The following SLC25A48 variants were observed in gnomAD, a reference collection of about 807,000 sequenced individuals.
SLC25A48 encodes the protein solute carrier family 25 member 48.
Under a neutral mutation model 32.2 loss-of-function variants are expected in SLC25A48, and 29 were observed. The ratio of observed to expected loss-of-function variants is 0.90; its 90% CI spans 0.67 to 1.23. The LOEUF is 1.23. Ranked by LOEUF, SLC25A48 falls within the 50% of genes most tolerant of loss-of-function variation. The pLI is 0.00. For synonymous variants in SLC25A48, 164 were observed against 172.3 expected, an observed-to-expected ratio of 0.95 and a Z score of 0.38; for missense variants, 399 against 422.7, an observed-to-expected ratio of 0.94 and a Z score of 0.49.
intron 3 of SLC25A48, among the ~76,000 whole-genome samples, chr5:135,798,628 C>T (rs1209113827): frequency 6.6e-6 from 1 of 151,544 alleles, no homozygotes; most frequent in African/African-American, 2.4e-5. Context: ...ATTTTGCACC[C>T]CCTGCTGTGA....
chr5:135,834,304 C>G (rs556940761), upstream of SLC25A48, among the ~76,000 whole-genome samples: 1 of 152,316 alleles, frequency 6.6e-6, no homozygotes, highest in African/African-American at 2.4e-5. Context: ...GGTGCCTGCT[C>G]TAGGCACGGG....
chr5:135,625,820 G>A (rs1425449429), intron 1 of SLC25A48, among the ~76,000 whole-genome samples: 1 of 152,004 alleles, frequency 6.6e-6, no homozygotes, highest in Non-Finnish European at 1.5e-5. Context: ...ACAACAACCA[G>A]GAAGGAGACC....
At chr5:135,745,666 A>G (rs1755621173) in intron 3 of SLC25A48, among the ~76,000 whole-genome samples, 1 of 152,184 alleles carries the variant, frequency 6.6e-6, no homozygotes, top group African/African-American at 2.4e-5. Context: ...CAGCACTTAA[A>G]GCTGTGGTGG....
chr5:135,645,632 C>G (rs146111533), intron 3 of SLC25A48, among the ~76,000 whole-genome samples: 251 of 152,316 alleles, frequency 1.6e-3, no homozygotes, highest in African/African-American at 5.8e-3. Context: ...TCAGCCTGGT[C>G]TCTGCTGCTC....
At chr5:135,776,267 G>C (rs1351557193) in intron 3 of SLC25A48, among the ~76,000 whole-genome samples, 5 of 128,128 alleles carry the variant, frequency 3.9e-5, no homozygotes, top group South Asian at 2.6e-4. Context: ...CCTCATATCT[G>C]GGGGGTGGGG....
At chr5:135,599,524 A>G (rs1751737509) in intron 1 of SLC25A48, among the ~76,000 whole-genome samples, 3 of 152,190 alleles carry the variant, frequency 2.0e-5, no homozygotes, top group Admixed American at 6.5e-5. Context: ...CCAGCCCTTT[A>G]TCAATCGCTG....
intron 3 of SLC25A48, chr5:135,742,455 C>T (rs1437614591): frequency 5.2e-6 from 8 of 1,544,012 alleles, no homozygotes; most frequent in African/African-American, 1.4e-5. Flanking sequence ...TGAGGTCTCA[C>T]CTGTGTGTTT....
chr5:135,637,420 AC>A (rs1314530925), intron 3 of SLC25A48, among the ~76,000 whole-genome samples: 1 of 152,186 alleles, frequency 6.6e-6, no homozygotes, highest in Non-Finnish European at 1.5e-5. Flanking sequence ...ATGAAGGAAC[AC>A]AAAAAAGAGA....
At chr5:135,875,754 C>T (rs1761984382) in intron 6 of SLC25A48, 1 of 152,204 alleles carries the variant, frequency 6.6e-6, no homozygotes, top group Non-Finnish European at 1.5e-5. Context: ...GAGACCTGTC[C>T]TAAGGTTGCA....
intron 3 of SLC25A48, among the ~76,000 whole-genome samples, chr5:135,641,122 TAATAA>T (rs1165351863): frequency 6.6e-6 from 1 of 152,190 alleles, no homozygotes; most frequent in Non-Finnish European, 1.5e-5. Context: ...ATACTGGAAT[TAATAA>T]AATGAATATC....
At chr5:135,750,494 G>C (rs1260372894) in intron 3 of SLC25A48, among the ~76,000 whole-genome samples, 1 of 152,160 alleles carries the variant, frequency 6.6e-6, no homozygotes, top group Non-Finnish European at 1.5e-5. Flanking sequence ...GAATGACAAA[G>C]CTGGGAAGTG....
chr5:135,807,247 G>A (rs1274088336), intron 3 of SLC25A48, among the ~76,000 whole-genome samples: 1 of 150,432 alleles, frequency 6.6e-6, no homozygotes, highest in Non-Finnish European at 1.5e-5. Flanking sequence ...TTTCATGAAT[G>A]TCATAGTATG....
intron 1 of SLC25A48, among the ~76,000 whole-genome samples, chr5:135,604,728 C>A (rs1751890464): frequency 6.6e-6 from 1 of 152,206 alleles, no homozygotes; most frequent in African/African-American, 2.4e-5. Flanking sequence ...TTCAGCATTG[C>A]CTCAATCACA....
intron 3 of SLC25A48, among the ~76,000 whole-genome samples, chr5:135,743,928 G>A (rs1005907486): frequency 1.3e-5 from 2 of 152,194 alleles, no homozygotes; most frequent in Non-Finnish European, 2.9e-5. Context: ...TGCTACTGAT[G>A]TCTGTTAAAT....
At chr5:135,787,271 A>C (rs2126628421) in intron 3 of SLC25A48, among the ~76,000 whole-genome samples, 1 of 152,276 alleles carries the variant, frequency 6.6e-6, no homozygotes, top group East Asian at 1.9e-4. Context: ...CTAATATCAC[A>C]GTGCTTATAC....
At chr5:135,825,284 T>G (rs1276015460) in intron 4 of SLC25A48, 1 of 151,914 alleles carries the variant, frequency 6.6e-6, no homozygotes, top group Non-Finnish European at 1.5e-5. Flanking sequence ...AGAAAACGAG[T>G]CTCAGAGAAG....
chr5:135,624,345 G>C (rs1752395935), intron 1 of SLC25A48, among the ~76,000 whole-genome samples: 1 of 152,134 alleles, frequency 6.6e-6, no homozygotes, highest in Admixed American at 6.5e-5. Flanking sequence ...AATATTTTAG[G>C]TTCTATACAA....
chr5:135,762,582 T>G (rs549146140), intron 3 of SLC25A48, among the ~76,000 whole-genome samples: 2 of 152,230 alleles, frequency 1.3e-5, no homozygotes, highest in South Asian at 4.1e-4. Context: ...TATATTATAG[T>G]ATATAATATG....
intron 3 of SLC25A48, among the ~76,000 whole-genome samples, chr5:135,697,417 C>T (rs1754294761): frequency 6.6e-6 from 1 of 152,192 alleles, no homozygotes; most frequent in South Asian, 2.1e-4. Flanking sequence ...AGGGTGGTCA[C>T]AGCTCCTTGA....
Sources: allele counts gnomAD v4.1 joint callset (sites outside exome capture counted in the v4.1 genomes callset), GRCh38; gene constraint gnomAD v4.1.1; transcripts MANE v1.5; gene names NCBI Gene and HGNC (gene_info 2026-07-23, HGNC 2026-07-21).